The following STARD13 variants were observed in gnomAD, a reference collection of about 807,000 sequenced individuals.
STARD13 encodes the protein stAR-related lipid transfer protein 13.
In STARD13, 62 loss-of-function variants were observed where a neutral mutation model predicts 106.4. That is an observed-to-expected ratio of 0.58 (90% CI 0.48 to 0.72). STARD13 has a LOEUF of 0.72. Among genes scored for constraint, STARD13 ranks in the 30% least tolerant of loss-of-function variants. The pLI, the probability that STARD13 is intolerant of heterozygous loss-of-function variation, is 0.00. For synonymous variants in STARD13, 565 were observed against 553.0 expected (o/e 1.02, Z -0.31); for missense variants, 1,387 against 1,424.0 (o/e 0.97, Z 0.42).
chr13:33,285,359 A>G, intron 1 of STARD13, 111 bp downstream of exon 1: 1 of 1,191,966 alleles, frequency 8.4e-7, no homozygotes, highest in East Asian at 2.4e-5. Flanking sequence ...TGTGGCATAG[A>G]AATCCATATG....
downstream of STARD13, among the ~76,000 whole-genome samples, chr13:33,345,089 C>T (rs2078004082): frequency 6.6e-6 from 1 of 152,230 alleles, no homozygotes; most frequent in Non-Finnish European, 1.5e-5. Flanking sequence ...CACTCTCCCA[C>T]CTTGAAGAAA....
At chr13:33,263,812 C>T (rs569012899) in intron 1 of STARD13, among the ~76,000 whole-genome samples, 2 of 152,282 alleles carry the variant, frequency 1.3e-5, no homozygotes, top group Admixed American at 1.3e-4. Flanking sequence ...TGACAGGAAC[C>T]CAGCATTACT....
the STARD13 span, chr13:33,524,404 C>T: frequency 2.5e-6 from 1 of 393,078 alleles, no homozygotes; most frequent in Non-Finnish European, 4.1e-6. Flanking sequence ...AGGTTTTTTT[C>T]ATATATAAAG....
chr13:33,354,012 G>A (rs2078103986), upstream of STARD13, among the ~76,000 whole-genome samples: 2 of 152,050 alleles, frequency 1.3e-5, no homozygotes, highest in Admixed American at 1.3e-4. Context: ...CTTCCGGATG[G>A]GTATCTCCAA....
At chr13:33,534,120 T>A in the STARD13 span, among the ~76,000 whole-genome samples, 2 of 152,218 alleles carry the variant, frequency 1.3e-5, no homozygotes, top group East Asian at 1.9e-4. Flanking sequence ...GAAAGCCTAC[T>A]AGCAACCCTG....
At chr13:33,219,707 A>G (rs923446437) in intron 1 of STARD13, among the ~76,000 whole-genome samples, 2 of 150,518 alleles carry the variant, frequency 1.3e-5, no homozygotes, top group Non-Finnish European at 3.0e-5. Context: ...TGGGAGGCCA[A>G]GGCAGGAGGA....
chr13:33,602,410 A>G, the STARD13 span, among the ~76,000 whole-genome samples: 23 of 152,204 alleles, frequency 1.5e-4, no homozygotes, highest in Non-Finnish European at 2.9e-4. Context: ...TTAAGCATTT[A>G]AAAAATGCCT....
chr13:33,435,231 G>T, the STARD13 span, among the ~76,000 whole-genome samples: 9,160 of 152,200 alleles, frequency 0.06, 885 homozygotes, highest in African/African-American at 0.21. Context: ...AACTTTGCCC[G>T]GAAGAAGTCC....
At chr13:33,539,916 T>TA in the STARD13 span, among the ~76,000 whole-genome samples, 1 of 152,220 alleles carries the variant, frequency 6.6e-6, no homozygotes, top group Non-Finnish European at 1.5e-5. Flanking sequence ...ATTCACAACA[T>TA]ATACTTCTGA....
intron 8 of STARD13, among the ~76,000 whole-genome samples, chr13:33,114,269 G>A (rs1208944019): frequency 3.9e-5 from 6 of 152,152 alleles, no homozygotes; most frequent in Admixed American, 3.9e-4. Flanking sequence ...CCTTCTGAGG[G>A]GGTCCTGGCT....
the STARD13 span, among the ~76,000 whole-genome samples, chr13:33,609,465 G>A: frequency 6.6e-6 from 1 of 152,072 alleles, no homozygotes. Context: ...CATTGCTGGT[G>A]AGCTTGAAAA....
At position 33,255,103 on chromosome 13, in the gene STARD13, C is replaced by A. The variant is rs565540304; in HGVS notation, c.169+30367G>T. On this transcript the variant is annotated intron_variant, in intron 1 of 13. Transcript: ENST00000336934. ...ATACCTGTCCATCTGTGTGCTCCCC[C>A]CCCCCTCAGAGGCTTGATCAGGTTC... Among the ~76,000 whole-genome samples, 30 of 143,032 alleles carry A rather than the reference C, an allele frequency of 2.1e-4. No individual in the cohort carries two copies. The East Asian group carries it at 3.1e-3, about 15-fold the overall frequency. 93.8% of individuals were successfully genotyped at this position (143,032 alleles called of 152,430 possible).
At chr13:33,315,481 A>G (rs150560702) in intron 1 of STARD13, among the ~76,000 whole-genome samples, 10 of 152,248 alleles carry the variant, frequency 6.6e-5, no homozygotes, top group African/African-American at 2.4e-4. Context: ...TTGAATGGCC[A>G]CCCCCAGAGT....
intron 1 of STARD13, among the ~76,000 whole-genome samples, chr13:33,325,857 C>T (rs2077768239): frequency 6.6e-6 from 1 of 151,836 alleles, no homozygotes; most frequent in Non-Finnish European, 1.5e-5. Context: ...TGGTGGCGGG[C>T]GCCTGTAGTC....
At chr13:33,349,617 A>G (rs2078052108) in intron 1 of STARD13, among the ~76,000 whole-genome samples, 1 of 152,154 alleles carries the variant, frequency 6.6e-6, no homozygotes, top group Admixed American at 6.5e-5. Context: ...GCTCAAAACA[A>G]TCACTTCCTC....
chr13:33,327,799 G>T (rs1452329607), intron 1 of STARD13, among the ~76,000 whole-genome samples: 2 of 152,162 alleles, frequency 1.3e-5, no homozygotes, highest in Non-Finnish European at 2.9e-5. Flanking sequence ...TTTGAAAATG[G>T]ATTTGCTCTT....
chr13:33,235,364 A>G (rs1889135256), intron 1 of STARD13, among the ~76,000 whole-genome samples: 2 of 152,256 alleles, frequency 1.3e-5, no homozygotes, highest in African/African-American at 4.8e-5. Flanking sequence ...AATGTGGAAC[A>G]GAAAATAAGG....
At chr13:33,665,033 G>A in the STARD13 span, among the ~76,000 whole-genome samples, 5 of 152,220 alleles carry the variant, frequency 3.3e-5, no homozygotes, top group South Asian at 6.2e-4. Flanking sequence ...TCACAATGAC[G>A]AGAACGAAGG....
chr13:33,187,128 G>T (rs17695456), intron 1 of STARD13, among the ~76,000 whole-genome samples: 16,948 of 152,178 alleles, frequency 0.11, 1,112 homozygotes, highest in East Asian at 0.33. Flanking sequence ...GTCACTTCCT[G>T]TCCTCTAACC....
Sources: gnomAD v4.1 joint callset for allele counts (sites outside exome capture counted in the v4.1 genomes callset) on GRCh38, gnomAD v4.1.1 for gene constraint, MANE v1.5 for transcripts, NCBI Gene and HGNC (gene_info 2026-07-23, HGNC 2026-07-21) for gene names.